LRBA: variants seen among roughly 807,000 people sequenced by gnomAD.
LRBA encodes the protein LPS responsive beige-like anchor protein, also known as lipopolysaccharide-responsive and beige-like anchor protein.
LRBA carries 176 observed loss-of-function variants against 330.0 expected under a neutral mutation model. The ratio of observed to expected loss-of-function variants is 0.53; its 90% confidence interval spans 0.47 to 0.60. The LOEUF is 0.60. Ranked by LOEUF, LRBA falls within the 20% of genes least tolerant of loss-of-function variation. The probability of loss-of-function intolerance (pLI) is 0.00; values close to 1 mark genes in which losing one functional copy is unlikely to be tolerated. For missense variants in LRBA, 3,259 were observed against 3,444.8 expected (o/e 0.95, Z 1.35); for synonymous variants, 1,230 against 1,193.0 (o/e 1.03, Z -0.64).
intron 48 of LRBA, among the ~76,000 whole-genome samples, chr4:150,328,929 TGC>T: frequency 6.6e-6 from 1 of 152,332 alleles, no homozygotes; most frequent in East Asian, 1.9e-4. Context: ...TATAGTGTTT[TGC>T]ACTTAACAAT....
chr4:150,301,363 A>C (rs1171553052), intron 53 of LRBA, among the ~76,000 whole-genome samples: 1 of 152,088 alleles, frequency 6.6e-6, no homozygotes, highest in Non-Finnish European at 1.5e-5. Context: ...ATTTGATCAC[A>C]AAGTCTGTAT....
chr4:150,265,732 G>GT lies in LRBA; in HGVS notation c.8548dup (p.Thr2850AsnfsTer15). Reference sequence around the variant, plus strand: ...GTACAGCTGTCACCATCAGTAGCGGGTTTGGTATTCATGATGCCACCGGTT... The same window carrying GT: ...GTACAGCTGTCACCATCAGTAGCGGGTTTTGGTATTCATGATGCCACCGGTT... On this transcript the variant is annotated frameshift_variant, in exon 57 of 57. Transcript: ENST00000651943. LOFTEE classifies it high-confidence loss of function. 1 of 1,610,568 alleles carries GT rather than the reference G, an allele frequency of 6.2e-7. No individual in the cohort carries two copies. The highest frequency in any genetic ancestry group is 8.5e-7 in the Non-Finnish European group (1 of 1,176,730).
chr4:150,982,635 T>C (rs773163189), intron 2 of LRBA, among the ~76,000 whole-genome samples: 6 of 147,774 alleles, frequency 4.1e-5, no homozygotes, highest in Non-Finnish European at 6.0e-5. Flanking sequence ...GAATAAAAAA[T>C]ACCAGTTTCT....
At chr4:150,940,968 CT>C (rs1561034409) in intron 2 of LRBA, among the ~76,000 whole-genome samples, 1 of 151,950 alleles carries the variant, frequency 6.6e-6, no homozygotes, top group East Asian at 1.9e-4. Flanking sequence ...AAGATCTAAT[CT>C]TGCTTTCAGT....
chr4:150,414,682 G>A (rs1747478765), intron 47 of LRBA, among the ~76,000 whole-genome samples: 2 of 151,894 alleles, frequency 1.3e-5, no homozygotes, highest in South Asian at 2.1e-4. Context: ...ATAGCAGTGG[G>A]GTTTCACCAT....
rs1753576318 is a variant in LRBA at position 150,872,680 on chromosome 4, T to TA, written c.2240dup (p.Leu747PhefsTer24). 5 of 1,609,066 alleles carry TA rather than the reference T, an allele frequency of 3.1e-6. No homozygotes were observed. The highest frequency in any genetic ancestry group is 2.2e-5 in the East Asian group (1 of 44,554). On this transcript the variant is annotated frameshift_variant, in exon 18 of 57. Transcript: ENST00000651943. LOFTEE classifies it high-confidence loss of function. The stretch of plus-strand genomic sequence containing the variant: ...ATACTTACTTTGGGGCCAGATGTTT[T>TA]AAAAAATAACCCATTGCCTTAAGAG...
rs190680060 is a variant in LRBA at position 150,712,281 on chromosome 4, T to G, written c.5754+22977A>C. 6.4e-3 allele frequency among the ~76,000 whole-genome samples: 979 copies of G among 152,340 alleles called. 13 individuals carry two copies. Among genetic ancestry groups the G allele is most frequent in the African/African-American group, 0.022 (924 of 41,574 alleles). Reference sequence around the variant, plus strand: ...GTATGCAATAAATCATAGCTACTATTAATGTTATTAGTATCCCCATCCTCA... The same window carrying G: ...GTATGCAATAAATCATAGCTACTATGAATGTTATTAGTATCCCCATCCTCA... On this transcript the variant is annotated intron_variant, in intron 36 of 56. Transcript: ENST00000651943.
chr4:150,780,272 C>T (rs1018783594), intron 34 of LRBA, among the ~76,000 whole-genome samples: 4 of 152,088 alleles, frequency 2.6e-5, no homozygotes, highest in Admixed American at 6.5e-5. Flanking sequence ...TAAAATAACA[C>T]AGCATTCATT....
intron 2 of LRBA, among the ~76,000 whole-genome samples, chr4:150,939,253 C>T (rs187965713): frequency 2.4e-4 from 37 of 152,246 alleles, no homozygotes; most frequent in African/African-American, 8.2e-4. Flanking sequence ...AATAGGATTG[C>T]TACAGATGTA....
At chr4:150,550,812 C>T (rs148804849) in intron 40 of LRBA, among the ~76,000 whole-genome samples, 5 of 152,238 alleles carry the variant, frequency 3.3e-5, no homozygotes, top group East Asian at 1.9e-4. Flanking sequence ...TAACATTTCA[C>T]GGAAAATAGT....
intron 34 of LRBA, among the ~76,000 whole-genome samples, chr4:150,789,663 G>C (rs1384792666): frequency 6.6e-6 from 1 of 151,956 alleles, no homozygotes; most frequent in Non-Finnish European, 1.5e-5. Flanking sequence ...TATAGTATGA[G>C]AATATAGCTA....
intron 40 of LRBA, among the ~76,000 whole-genome samples, chr4:150,559,662 A>ATATT (rs1767857337): frequency 1.1e-5 from 1 of 89,804 alleles, no homozygotes; most frequent in African/African-American, 4.6e-5. Flanking sequence ...ATATAATTAT[A>ATATT]ATATATATAT....
At position 150,583,760 on chromosome 4, in the gene LRBA, G is replaced by A; in HGVS notation, c.6330+4288C>T. 1 of 1,613,980 alleles carries A rather than the reference G, an allele frequency of 6.2e-7. No homozygotes were observed. The highest frequency in any genetic ancestry group is 1.3e-5 in the African/African-American group (1 of 75,046). On this transcript the variant is annotated intron_variant, in intron 40 of 56. Transcript: ENST00000651943. The surrounding 1 kb of genome is among the most constrained non-coding windows in gnomAD (Gnocchi z 9.8). ...GAGGCGGAGAACCGCCTGCTGATGG[G>A]CGGCTGCCGAAACAAGTGCCTCTCA...
intron 2 of LRBA, among the ~76,000 whole-genome samples, chr4:151,001,980 C>T (rs913382594): frequency 3.9e-4 from 59 of 151,920 alleles, no homozygotes; most frequent in African/African-American, 1.4e-3. Context: ...AAATCACAGA[C>T]GCCACTGACA....
At chr4:150,356,211 G>C (rs763274781) in intron 47 of LRBA, among the ~76,000 whole-genome samples, 3 of 151,978 alleles carry the variant, frequency 2.0e-5, no homozygotes, top group Non-Finnish European at 2.9e-5. Flanking sequence ...AAATGATTTT[G>C]ATTGAATATG....
chr4:150,514,483 C>T (rs1479544135), intron 40 of LRBA, among the ~76,000 whole-genome samples: 1 of 152,124 alleles, frequency 6.6e-6, no homozygotes, highest in Non-Finnish European at 1.5e-5. Flanking sequence ...TTTATCTGCA[C>T]AAGAAATGCA....
chr4:150,662,841 T>C (rs1488221898), intron 37 of LRBA, among the ~76,000 whole-genome samples: 2 of 151,878 alleles, frequency 1.3e-5, no homozygotes, highest in Non-Finnish European at 1.5e-5. Context: ...GGTAGCAGTC[T>C]TAGTACTCAG....
intron 40 of LRBA, among the ~76,000 whole-genome samples, chr4:150,555,756 A>AACACACACACACACACAC (rs34497958): frequency 0.014 from 2,010 of 144,620 alleles, 41 homozygotes; most frequent in African/African-American, 0.036. Context: ...GTCTTATAAA[A>AACACACACACACACACAC]ACACACACAC....
chr4:150,314,873 C>T (rs905603714), intron 51 of LRBA: 1 of 152,090 alleles, frequency 6.6e-6, no homozygotes, highest in Admixed American at 6.6e-5. Context: ...TCATTTCATC[C>T]CAATGGCTCT....
Sources: gnomAD v4.1 joint callset for allele counts (sites outside exome capture counted in the v4.1 genomes callset) on GRCh38, gnomAD v4.1.1 for gene constraint, Gnocchi (gnomAD v3.1) non-coding constraint, MANE v1.5 for transcripts, NCBI Gene and HGNC (gene_info 2026-07-23, HGNC 2026-07-21) for gene names.